The following VPS35 variants were observed in gnomAD, a reference collection of about 807,000 sequenced individuals.
VPS35 encodes VPS35 retromer complex component.
A neutral mutation model predicts 98.1 loss-of-function variants in VPS35; 21 were observed. The observed-to-expected ratio is 0.21, with a 90% CI of 0.15 to 0.31. The LOEUF is 0.31. Among genes scored for constraint, VPS35 ranks in the 10% least tolerant of loss-of-function variants. The pLI is 1.00. For synonymous variants in VPS35, 268 were observed against 318.2 expected (o/e 0.84, Z 1.68); for missense variants, 554 against 950.8 (o/e 0.58, Z 5.49).
intron 6 of VPS35, chr16:46,677,834 T>G (rs1449899941): frequency 5.3e-6 from 1 of 187,408 alleles, no homozygotes; most frequent in Non-Finnish European, 1.1e-5. Flanking sequence ...TGCTTGTATA[T>G]CCTCAGAAAT....
rs1965874430 is a variant in VPS35, at chr16:46,659,396, T to A, written c.*1076A>T. ...TGTTTGCTGTTTTAAGACAGTAAGT[T>A]TTGGGATGGTTTATTATATAGTAGG... is the stretch of plus-strand genomic sequence containing the variant. On this transcript the variant is annotated 3_prime_UTR_variant, in exon 17 of 17. Coordinates refer to ENST00000299138, the MANE Select transcript of VPS35 (RefSeq NM_018206.6). The A allele has an allele frequency of 6.6e-6, 1 of 152,224 alleles. No homozygotes were observed. The highest frequency in any genetic ancestry group is 2.4e-5 in the African/African-American group (1 of 41,456). 9.4% of individuals were successfully genotyped at this position (152,224 alleles called of 1,614,324 possible). A position where few individuals can be genotyped will look rare whatever the true frequency, so the allele number is the denominator to read the frequency against.
In VPS35 at chr16:46,672,248, C is replaced by T. The variant is rs183091274; in HGVS notation, c.1368+17G>A. The T allele has an allele frequency of 1.7e-4, 271 of 1,607,238 alleles. 3 individuals carry two copies. Among genetic ancestry groups the T allele is most frequent in the Admixed American group, 1.6e-3 (93 of 59,952 alleles). ...GTAACACTGTTTCCCTAAAATAGCA[C>T]GTAGGTATTCTCTTACCTGGTCTTG... On this transcript the variant is annotated intron_variant, in intron 11 of 16. Transcript: ENST00000299138.
Position 46,661,906 on chromosome 16 carries a change from T to A in VPS35, c.2068-45A>T, listed in dbSNP as rs372790222. 1.2e-5 allele frequency: 20 copies of A among 1,612,844 alleles called. No homozygotes were observed. The African/African-American group carries it at 2.5e-4, about 20-fold the overall frequency. On this transcript the variant is annotated intron_variant, in intron 15 of 16. Coordinates refer to ENST00000299138, the MANE Select transcript of VPS35 (RefSeq NM_018206.6). This position sits in a 1 kb window ranked among gnomAD's most constrained non-coding sequence, Gnocchi z 4.3. ...GGACAGTGAAGAGATTAATGAAACA[T>A]CTCGTTTTCATACAAAGAAACACAA...
At chr16:46,683,962 G>A (rs1377084997) in intron 1 of VPS35, among the ~76,000 whole-genome samples, 1 of 152,104 alleles carries the variant, frequency 6.6e-6, no homozygotes, top group African/African-American at 2.4e-5. Context: ...TCCTGACCTC[G>A]TGATTCGCCT....
In VPS35 at chr16:46,658,296, C is replaced by T. The variant is rs966695803; in HGVS notation, c.*2176G>A. On this transcript the variant is annotated 3_prime_UTR_variant, in exon 17 of 17. Transcript: ENST00000299138. ...CACTGCTCTCCTGCACAAACCCTTACCATCTTCTGTAACTACAGGTCTGTC... is the reference window on the plus strand; with the variant it reads ...CACTGCTCTCCTGCACAAACCCTTATCATCTTCTGTAACTACAGGTCTGTC... 2 of 153,752 alleles carry T rather than the reference C, an allele frequency of 1.3e-5. No individual in the cohort carries two copies. Among genetic ancestry groups the T allele is most frequent in the Admixed American group, 1.3e-4 (2 of 15,272 alleles). The allele number at this position is 153,752 out of a possible 1,614,324, so 9.5% of individuals were successfully genotyped here.
chr16:46,679,389 T>G (rs1348310632), intron 5 of VPS35, among the ~76,000 whole-genome samples: 2 of 152,206 alleles, frequency 1.3e-5, no homozygotes, highest in Admixed American at 1.3e-4. Flanking sequence ...CAACTCCTCA[T>G]CCTGGGCCAA....
In VPS35 at chr16:46,659,960, C is replaced by A. The variant is rs1170821357; in HGVS notation, c.*512G>T. 1 of 152,696 alleles carries A rather than the reference C, an allele frequency of 6.5e-6. No homozygotes were observed. Among genetic ancestry groups the A allele is most frequent in the Non-Finnish European group, 1.5e-5 (1 of 68,478 alleles). 9.5% of individuals were successfully genotyped at this position (152,696 alleles called of 1,614,324 possible). On this transcript the variant is annotated 3_prime_UTR_variant, in exon 17 of 17. Transcript: ENST00000299138. ...AATATATTCTAGTTTTAGGGAAAAT[C>A]TTACACATGGCCTTATCTTGCAATT...
chr16:46,677,728 G>T (rs1966172868), intron 6 of VPS35: 2 of 317,560 alleles, frequency 6.3e-6, no homozygotes, highest in Non-Finnish European at 1.2e-5. Flanking sequence ...TAGAGATGGG[G>T]TCTCCCTATG....
chr16:46,686,685 G>A (rs955932462), intron 1 of VPS35, among the ~76,000 whole-genome samples: 5 of 152,310 alleles, frequency 3.3e-5, no homozygotes, highest in Non-Finnish European at 7.4e-5. Flanking sequence ...AGCCTTAACA[G>A]TTATAATATG....
chr16:46,663,710 C>CA (rs1025820496), intron 13 of VPS35, among the ~76,000 whole-genome samples: 1 of 137,490 alleles, frequency 7.3e-6, no homozygotes, highest in Non-Finnish European at 1.6e-5. Context: ...TTTTTCTTTC[C>CA]TTTTTTTTTT....
At chr16:46,684,353 G>A (rs1464805766) in intron 1 of VPS35, among the ~76,000 whole-genome samples, 1 of 152,104 alleles carries the variant, frequency 6.6e-6, no homozygotes, top group Admixed American at 6.6e-5. Context: ...ACTAGTTTAC[G>A]AGAACAGTGA....
rs527800239 is a variant in VPS35 at position 46,660,418 on chromosome 16, A to T, written c.*54T>A. ...AATCTATGGAAGGGAAACCTAGCGT[A>T]ATAAAACCCTCACTGGATGTACATG... On this transcript the variant is annotated 3_prime_UTR_variant, in exon 17 of 17. Coordinates refer to ENST00000299138, the MANE Select transcript of VPS35 (RefSeq NM_018206.6). 1.6e-5 allele frequency: 25 copies of T among 1,603,614 alleles called. 1 individual carries two copies. The East Asian group carries it at 5.6e-4, about 36-fold the overall frequency.
At position 46,683,603 on chromosome 16, in the gene VPS35, T is replaced by C. The variant is rs774604183; in HGVS notation, c.7A>G (p.Thr3Ala). The C allele has an allele frequency of 1.3e-5, 21 of 1,611,034 alleles. No homozygotes were observed. The South Asian group carries it at 1.8e-4, about 14-fold the overall frequency. The change falls in exon 2 of 17, where the codon ACA (threonine) becomes GCA (alanine). Residue 3 changes from threonine (T) to alanine (A), a missense_variant. Thr to Ala is a moderately conservative substitution (Grantham distance 58, BLOSUM62 0). This residue lies in a region of VPS35 where 67 missense variants were observed against 103.3 expected (regional missense o/e 0.65). Transcript: ENST00000299138. ...TCATCCTGAGGGGACTGCTGTGTTGTAGGCTGAAAAATAAAAAATTCCACT... is the reference window on the plus strand; with the variant it reads ...TCATCCTGAGGGGACTGCTGTGTTGCAGGCTGAAAAATAAAAAATTCCACT... Reference protein sequence around the residue: MPTTQQSPQDEQE... With the variant: MPATQQSPQDEQE...
chr16:46,676,724 T>C, intron 7 of VPS35, 32 bp from the exon 8 acceptor site: 12 of 1,456,116 alleles, frequency 8.2e-6, no homozygotes, highest in Non-Finnish European at 1.2e-5. Flanking sequence ...CAAATAAAAG[T>C]ATTTCACGTA....
At chr16:46,676,129 T>A (rs1335019842) in intron 8 of VPS35, among the ~76,000 whole-genome samples, 1 of 147,346 alleles carries the variant, frequency 6.8e-6, no homozygotes, top group Non-Finnish European at 1.5e-5. Flanking sequence ...ACATATTTGA[T>A]ACTTAAAATT....
chr16:46,675,429 G>C (rs1966134001), intron 8 of VPS35, among the ~76,000 whole-genome samples: 1 of 151,974 alleles, frequency 6.6e-6, no homozygotes, highest in Non-Finnish European at 1.5e-5. Context: ...ATCATTATCT[G>C]TTTGTCAGTC....
intron 10 of VPS35, 66 bp from the exon 11 acceptor site, chr16:46,672,538 G>A: frequency 7.0e-7 from 1 of 1,427,146 alleles, no homozygotes; most frequent in Non-Finnish European, 9.8e-7. Flanking sequence ...AATAGCATTT[G>A]TTCCATAAGA....
chr16:46,664,412 C>T (rs1333903030), intron 13 of VPS35, among the ~76,000 whole-genome samples: 2 of 152,178 alleles, frequency 1.3e-5, no homozygotes, highest in Non-Finnish European at 2.9e-5. Flanking sequence ...CCATCTCAGC[C>T]TCCCAAAGTG....
At chr16:46,687,502 C>T (rs1237640228) in intron 1 of VPS35, among the ~76,000 whole-genome samples, 3 of 152,172 alleles carry the variant, frequency 2.0e-5, no homozygotes, top group Admixed American at 2.0e-4. Context: ...CACGTTACTT[C>T]CTGTAGTCCT....
Sources: allele counts gnomAD v4.1 joint callset (sites outside exome capture counted in the v4.1 genomes callset), GRCh38; gene constraint gnomAD v4.1.1; regional missense constraint gnomAD v4.1.1; non-coding constraint Gnocchi (gnomAD v3.1); transcripts MANE v1.5; gene names NCBI Gene and HGNC (gene_info 2026-07-23, HGNC 2026-07-21).